PCK1: variants seen among roughly 807,000 people sequenced by gnomAD.
PCK1 encodes phosphoenolpyruvate carboxykinase, cytosolic [GTP].
PCK1 carries 44 observed loss-of-function variants against 50.3 expected under a neutral mutation model. That is an observed-to-expected ratio of 0.87 (90% confidence interval 0.69 to 1.12). PCK1 has a LOEUF of 1.12. Among genes scored for constraint, PCK1 ranks in the 50% most tolerant of loss-of-function variants. PCK1 has a pLI of 0.00. For missense variants in PCK1, 790 were observed against 815.0 expected (o/e 0.97, Z 0.37); for synonymous variants, 332 against 314.3 (o/e 1.06, Z -0.59).
At chr20:57,565,191 T>A (rs527701802) in intron 9 of PCK1, 56 bp downstream of exon 9, 1 of 1,386,350 alleles carries the variant, frequency 7.2e-7, no homozygotes, top group African/African-American at 1.4e-5. Context: ...GCACTCTTCG[T>A]CACTCTTATG....
chr20:57,566,931 G>C lies in PCK1; in HGVS notation c.*1127G>C, dbSNP rs369261611. ...GAGAAGGAAAAGGGGACAGGATCTG[G>C]GTTGAGCAAGCATTAATTGAGCGCC... On this transcript the variant is annotated 3_prime_UTR_variant, in exon 10 of 10. Transcript: ENST00000319441. The C allele has an allele frequency of 1.3e-5, 2 of 152,162 alleles. No homozygotes were observed. The highest frequency in any genetic ancestry group is 6.5e-5 in the Admixed American group (1 of 15,282). 9.4% of individuals were successfully genotyped at this position (152,162 alleles called of 1,614,324 possible). A position where few individuals can be genotyped will look rare whatever the true frequency, so the allele number is the denominator to read the frequency against.
chr20:57,564,330 G>A lies in PCK1; in HGVS notation c.1123G>A (p.Glu375Lys), dbSNP rs1600707936. The change falls in exon 7 of 10, where the codon GAG becomes AAG. Residue 375 changes from glutamate (E) to lysine (K), a missense_variant. Physicochemically the swap from Glu to Lys is moderately conservative, Grantham distance 56 (BLOSUM62 1). Coordinates refer to ENST00000319441, the MANE Select transcript of PCK1 (RefSeq NM_002591.4). ...GGGCGTTTACTGGGAAGGCATTGAT[G>A]AGCCGCTAGCTTCAGGTGTCACCAT... Reference protein sequence around the residue: ...DGGVYWEGIDEPLASGVTITS... With the variant: ...DGGVYWEGIDKPLASGVTITS... 1 of 1,614,180 alleles carries A rather than the reference G, an allele frequency of 6.2e-7. No individual in the cohort carries two copies. The highest frequency in any genetic ancestry group is 8.5e-7 in the Non-Finnish European group (1 of 1,180,038).
At chr20:57,562,295 C>G (rs754051076) in intron 3 of PCK1, 43 bp downstream of exon 3, 1 of 1,529,692 alleles carries the variant, frequency 6.5e-7, no homozygotes, top group South Asian at 1.1e-5. Context: ...AGCAGAGAGC[C>G]TTTTCTTATT....
chr20:57,565,215 CTG>C, intron 9 of PCK1, 80 bp downstream of exon 9: 1 of 1,308,968 alleles, frequency 7.6e-7, no homozygotes. Flanking sequence ...CTCTCCTTTT[CTG>C]TGTCTGTGTG....
chr20:57,561,154 C>T lies in PCK1; in HGVS notation c.-90C>T, dbSNP rs781125335. ...CACAAACTTGCTGGCGGGAAGAGCC[C>T]GGAAAGAAACCTGTGGATCTCCCTT... On this transcript the variant is annotated 5_prime_UTR_variant, in exon 1 of 10. Transcript: ENST00000319441. 1.4e-4 allele frequency: 47 copies of T among 332,084 alleles called. No individual in the cohort carries two copies. Among genetic ancestry groups the T allele is most frequent in the African/African-American group, 2.5e-4 (12 of 47,070 alleles). 20.6% of individuals were successfully genotyped at this position (332,084 alleles called of 1,614,324 possible).
rs144907840 is a variant in PCK1 at position 57,562,757 on chromosome 20, C to T, written c.468C>T (p.Ile156=). The T allele has an allele frequency of 7.5e-5, 121 of 1,614,086 alleles. No individual in the cohort carries two copies. The African/African-American group carries it at 8.4e-4, about 11-fold the overall frequency. The change falls in exon 4 of 10, where the codon ATC becomes ATT. Residue 156 remains isoleucine, a synonymous_variant. Transcript: ENST00000319441. ...CGCTGGGCTCGCCTCTGTCAAAGAT[C>T]GGCATCGAGCTGACGGATTCACCCT... ...MGPLGSPLSK[I]GIELTDSPYV... is the part of the protein sequence containing the mutation.
At chr20:57,562,555 T>C in intron 3 of PCK1, 141 bp from the exon 4 acceptor site, 2 of 715,160 alleles carry the variant, frequency 2.8e-6, no homozygotes, top group South Asian at 3.6e-5. Context: ...TGGCCTCTTC[T>C]AACCCAGGGG....
At chr20:57,565,231 G>GGA (rs149495915) in intron 9 of PCK1, 96 bp downstream of exon 9, 130 of 1,231,976 alleles carry the variant, frequency 1.1e-4, no homozygotes, top group South Asian at 1.4e-4. Context: ...CTGTGTGTGG[G>GGA]GAGAGAGAGA....
chr20:57,561,322 A>C lies in PCK1; in HGVS notation c.-40-50A>C, dbSNP rs542052783. 1.0e-5 allele frequency: 8 copies of C among 786,432 alleles called. No individual in the cohort carries two copies. The East Asian group carries it at 1.7e-4, about 17-fold the overall frequency. 48.7% of individuals were successfully genotyped at this position (786,432 alleles called of 1,614,324 possible). ...GGCAAAAGGCCGTCGAATGTGTTTG[A>C]AGGTGTCTGTTGTTGTTTTTGTTCA... is the stretch of plus-strand genomic sequence containing the variant. On this transcript the variant is annotated intron_variant, in intron 1 of 9. Transcript: ENST00000319441.
chr20:57,564,645 T>C (rs1439442245), intron 8 of PCK1, 32 bp downstream of exon 8: 2 of 1,542,574 alleles, frequency 1.3e-6, no homozygotes, highest in African/African-American at 1.4e-5. Context: ...GCTGGGAACA[T>C]GGGTGTGCTG....
intron 8 of PCK1, 98 bp from the exon 9 acceptor site, chr20:57,564,942 C>A: frequency 1.1e-6 from 1 of 891,874 alleles, no homozygotes; most frequent in South Asian, 1.5e-5. Flanking sequence ...AAGTTATTGT[C>A]TTGCCGTGTC....
At chr20:57,562,955 A>G in intron 4 of PCK1, 56 bp downstream of exon 4, 2 of 1,580,036 alleles carry the variant, frequency 1.3e-6, no homozygotes, top group Non-Finnish European at 1.7e-6. Flanking sequence ...CTGAACGCAA[A>G]CCCCAGTGAG....
At chr20:57,564,635 G>A (rs2070186289) in intron 8 of PCK1, 22 bp downstream of exon 8, 2 of 1,565,148 alleles carry the variant, frequency 1.3e-6, no homozygotes, top group Admixed American at 1.8e-5. Flanking sequence ...CTTCATTTAG[G>A]CTGGGAACAT....
At position 57,562,775 on chromosome 20, in the gene PCK1, T is replaced by A; in HGVS notation, c.486T>A (p.Asp162Glu). 1 of 1,614,034 alleles carries A rather than the reference T, an allele frequency of 6.2e-7. No homozygotes were observed. The highest frequency in any genetic ancestry group is 8.5e-7 in the Non-Finnish European group (1 of 1,179,892). The stretch of plus-strand genomic sequence containing the variant: ...CAAAGATCGGCATCGAGCTGACGGA[T>A]TCACCCTACGTGGTGGCCAGCATGC... ...PLSKIGIELTDSPYVVASMRI... is the reference protein window; with the variant it reads ...PLSKIGIELTESPYVVASMRI... Residue 162 changes from aspartate (D) to glutamate (E), a missense_variant, in exon 4 of 10, where the codon GAT (aspartate) becomes GAA (glutamate). By Grantham distance (45) the Asp-to-Glu change is conservative (BLOSUM62 2). Transcript: ENST00000319441.
At chr20:57,564,104 T>C in intron 6 of PCK1, 65 bp from the exon 7 acceptor site, 2 of 1,011,982 alleles carry the variant, frequency 2.0e-6, no homozygotes, top group Non-Finnish European at 3.0e-6. Flanking sequence ...TCCGGCAATA[T>C]ATAAGAGTAT....
At position 57,564,403 on chromosome 20, in the gene PCK1, T is replaced by G; in HGVS notation, c.1186+10T>G. The G allele has an allele frequency of 6.2e-7, 1 of 1,613,844 alleles. No individual in the cohort carries two copies. The highest frequency in any genetic ancestry group is 8.5e-7 in the Non-Finnish European group (1 of 1,179,704). On this transcript the variant is annotated intron_variant, in intron 7 of 9. Coordinates refer to ENST00000319441, the MANE Select transcript of PCK1 (RefSeq NM_002591.4). ...TGGAGCTCAGAGGATGGTGTGTCCC[T>G]GCCAGAGGCCTTGGTGTGCCGGGCT...
chr20:57,561,432 C>CG lies in PCK1; in HGVS notation c.23dup (p.Leu9ProfsTer26). 6.2e-7 allele frequency: 1 copy of CG among 1,612,772 alleles called. No homozygotes were observed. Among genetic ancestry groups the CG allele is most frequent in the Non-Finnish European group, 8.5e-7 (1 of 1,179,438 alleles). On this transcript the variant is annotated frameshift_variant, in exon 2 of 10. Transcript: ENST00000319441. LOFTEE classifies it high-confidence loss of function. The stretch of plus-strand genomic sequence containing the variant: ...CAGAAATGCCTCCTCAGCTGCAAAA[C>CG]GGCCTGAACCTCTCGGCCAAAGTTG...
In PCK1 at chr20:57,565,983, G is replaced by A; in HGVS notation, c.*179G>A. 3.9e-6 allele frequency: 2 copies of A among 516,102 alleles called. No homozygotes were observed. Among genetic ancestry groups the A allele is most frequent in the Non-Finnish European group, 6.8e-6 (2 of 296,296 alleles). The allele number at this position is 516,102 out of a possible 1,614,324, so 32.0% of individuals were successfully genotyped here. ...AAGGATAAGAACCACAGAACACTGG[G>A]TAGTAGCTAATGAAATTGAGAAGGG... On this transcript the variant is annotated 3_prime_UTR_variant, in exon 10 of 10. Transcript: ENST00000319441.
Position 57,564,333 on chromosome 20 carries a change from C to A in PCK1, c.1126C>A (p.Pro376Thr). 1 of 1,614,062 alleles carries A rather than the reference C, an allele frequency of 6.2e-7. No homozygotes were observed. The highest frequency in any genetic ancestry group is 8.5e-7 in the Non-Finnish European group (1 of 1,179,974). The change falls in exon 7 of 10, where the codon CCG becomes ACG. Residue 376 changes from proline to threonine, a missense_variant. Coordinates refer to ENST00000319441, the MANE Select transcript of PCK1 (RefSeq NM_002591.4). ...GGVYWEGIDE[P>T]LASGVTITSW... ...CGTTTACTGGGAAGGCATTGATGAG[C>A]CGCTAGCTTCAGGTGTCACCATCAC... is the stretch of plus-strand genomic sequence containing the variant.
Sources: allele counts gnomAD v4.1 joint callset, GRCh38; gene constraint gnomAD v4.1.1; transcripts MANE v1.5; gene names NCBI Gene and HGNC (gene_info 2026-07-23, HGNC 2026-07-21).